The following COG5 variants were observed in gnomAD, a reference collection of about 807,000 sequenced individuals.
COG5 encodes the protein conserved oligomeric Golgi complex subunit 5.
A neutral mutation model predicts 110.4 loss-of-function variants in COG5; 86 were observed. The ratio of observed to expected loss-of-function variants is 0.78; its 90% confidence interval spans 0.65 to 0.93. The LOEUF (loss-of-function observed/expected upper bound fraction) is 0.93. Ranked by LOEUF, COG5 falls within the 40% of genes least tolerant of loss-of-function variation. The probability of loss-of-function intolerance (pLI) is 0.00; values close to 1 mark genes in which losing one functional copy is unlikely to be tolerated. For synonymous variants in COG5, 360 were observed against 334.6 expected (o/e 1.08, Z -0.83); for missense variants, 1,077 against 987.0 (o/e 1.09, Z -1.22).
intron 6 of COG5, among the ~76,000 whole-genome samples, chr7:107,458,964 C>T (rs1795827892): frequency 1.3e-5 from 2 of 150,826 alleles, no homozygotes; most frequent in Non-Finnish European, 2.9e-5. Context: ...TATATATATA[C>T]AGCCAATAAG....
chr7:107,367,265 C>T (rs549414321), intron 8 of COG5, among the ~76,000 whole-genome samples: 2 of 151,956 alleles, frequency 1.3e-5, no homozygotes, highest in South Asian at 4.2e-4. Context: ...AAGCACAGTA[C>T]CCATAAAACA....
At chr7:107,313,485 C>T (rs914087272) in intron 11 of COG5, among the ~76,000 whole-genome samples, 1 of 152,128 alleles carries the variant, frequency 6.6e-6, no homozygotes, top group Non-Finnish European at 1.5e-5. Flanking sequence ...GAGAAAACAA[C>T]TAATATGTAT....
At chr7:107,260,711 G>A (rs931761347) in intron 14 of COG5, among the ~76,000 whole-genome samples, 1 of 151,958 alleles carries the variant, frequency 6.6e-6, no homozygotes, top group Non-Finnish European at 1.5e-5. Context: ...TTATAGTTTT[G>A]GGTACAAAAT....
intron 14 of COG5, among the ~76,000 whole-genome samples, chr7:107,278,270 GTTCTT>G (rs974084173): frequency 2.6e-5 from 4 of 151,292 alleles, no homozygotes; most frequent in Non-Finnish European, 5.9e-5. Flanking sequence ...CTTCGTTTCT[GTTCTT>G]TTCTTTTTTA....
At chr7:107,253,843 T>G (rs1160408474) in intron 16 of COG5, among the ~76,000 whole-genome samples, 2 of 152,140 alleles carry the variant, frequency 1.3e-5, no homozygotes, top group African/African-American at 4.8e-5. Flanking sequence ...TTGCCCCAGA[T>G]GGCTGCTTGG....
At chr7:107,328,403 T>G (rs1809952098) in intron 10 of COG5, among the ~76,000 whole-genome samples, 2 of 152,332 alleles carry the variant, frequency 1.3e-5, no homozygotes, top group Admixed American at 1.3e-4. Context: ...CATTATGTGG[T>G]GTATGACTGT....
chr7:107,554,981 C>T (rs1042699829), intron 2 of COG5, among the ~76,000 whole-genome samples: 5 of 152,180 alleles, frequency 3.3e-5, no homozygotes, highest in Non-Finnish European at 5.9e-5. Flanking sequence ...ATTATTGCCA[C>T]ACCATTATTA....
rs79167883 is a variant in COG5, at chr7:107,548,409, A to G, written c.293-77T>C. ...TGGGTAAATAGTTAAATTAAAAGAAAATACATGCATATATAATTTTAACTT... is the reference window on the plus strand; with the variant it reads ...TGGGTAAATAGTTAAATTAAAAGAAGATACATGCATATATAATTTTAACTT... On this transcript the variant is annotated intron_variant, in intron 3 of 21. Transcript: ENST00000297135. The G allele has an allele frequency of 1.2e-3, 1,509 of 1,308,260 alleles. 19 individuals carry two copies. In the African/African-American group the frequency reaches 0.02, roughly 17 times the overall value. The allele number at this position is 1,308,260 out of a possible 1,614,324, so 81.0% of individuals were successfully genotyped here. A position where few individuals can be genotyped will look rare whatever the true frequency, so the allele number is the denominator to read the frequency against.
At chr7:107,425,771 T>C (rs1210992354) in intron 6 of COG5, among the ~76,000 whole-genome samples, 2 of 152,176 alleles carry the variant, frequency 1.3e-5, no homozygotes, top group Non-Finnish European at 2.9e-5. Flanking sequence ...ATAATAAACA[T>C]TCATATAATG....
chr7:107,440,963 T>C (rs1443337721), intron 6 of COG5, among the ~76,000 whole-genome samples: 1 of 152,040 alleles, frequency 6.6e-6, no homozygotes, highest in African/African-American at 2.4e-5. Flanking sequence ...TAAAGAATTA[T>C]CAATCCCAGG....
At chr7:107,354,632 C>A (rs1327380226) in intron 10 of COG5, among the ~76,000 whole-genome samples, 1 of 152,170 alleles carries the variant, frequency 6.6e-6, no homozygotes, top group Non-Finnish European at 1.5e-5. Context: ...GCCGAGACCA[C>A]GCCACTGCAC....
intron 8 of COG5, among the ~76,000 whole-genome samples, chr7:107,370,802 T>TTA (rs769651624): frequency 0.019 from 2,729 of 143,360 alleles, 71 homozygotes; most frequent in African/African-American, 0.059. Context: ...AAAAAAAAAT[T>TTA]TATATATATA....
intron 3 of COG5, among the ~76,000 whole-genome samples, chr7:107,554,022 A>T (rs528313438): frequency 6.6e-6 from 1 of 152,368 alleles, no homozygotes; most frequent in South Asian, 2.1e-4. Flanking sequence ...AACACCTAGT[A>T]AGCAGTAAAA....
At chr7:107,257,063 A>G (rs1405749101) in intron 15 of COG5, among the ~76,000 whole-genome samples, 1 of 152,156 alleles carries the variant, frequency 6.6e-6, no homozygotes, top group Admixed American at 6.5e-5. Flanking sequence ...CATAGGTTTT[A>G]ATTATAAAGT....
chr7:107,451,353 A>G (rs966702699), intron 6 of COG5, among the ~76,000 whole-genome samples: 1 of 152,204 alleles, frequency 6.6e-6, no homozygotes, highest in Non-Finnish European at 1.5e-5. Flanking sequence ...ACAAATTGAC[A>G]TTAGACAATC....
chr7:107,251,589 G>T (rs1802509519), intron 16 of COG5, among the ~76,000 whole-genome samples: 1 of 151,980 alleles, frequency 6.6e-6, no homozygotes, highest in Admixed American at 6.6e-5. Context: ...AAAGTAATTA[G>T]AAATTTTAAG....
intron 18 of COG5, among the ~76,000 whole-genome samples, 194 bp from the exon 19 acceptor site, chr7:107,230,885 GCCCAAGATGAGACAATT>G (rs894019589): frequency 9.9e-5 from 15 of 150,908 alleles, no homozygotes; most frequent in African/African-American, 3.7e-4. Flanking sequence ...TACTAAGAGG[GCCCAAGATGAGACAATT>G]CCTTCATGAA....
intron 10 of COG5, among the ~76,000 whole-genome samples, chr7:107,345,354 T>C (rs899398012): frequency 6.6e-6 from 1 of 152,126 alleles, no homozygotes; most frequent in Non-Finnish European, 1.5e-5. Context: ...ATGGCACCAA[T>C]AGGCTTGCTT....
chr7:107,563,767 C>A (rs1804210863), intron 1 of COG5, 36 bp downstream of exon 1: 2 of 1,611,942 alleles, frequency 1.2e-6, no homozygotes, highest in Non-Finnish European at 1.7e-6. Flanking sequence ...GCGCAGACCC[C>A]CAACCCCACG....
Sources: allele counts gnomAD v4.1 joint callset (sites outside exome capture counted in the v4.1 genomes callset), GRCh38; gene constraint gnomAD v4.1.1; transcripts MANE v1.5; gene names NCBI Gene and HGNC (gene_info 2026-07-23, HGNC 2026-07-21).